Variants in LRP5 observed in about 807,000 individuals in gnomAD.
LRP5 encodes low-density lipoprotein receptor-related protein 5.
In LRP5, 62 loss-of-function variants were observed where a neutral mutation model predicts 154.1. The ratio of observed to expected loss-of-function variants is 0.40; its 90% CI spans 0.33 to 0.50. The LOEUF (loss-of-function observed/expected upper bound fraction) is 0.50, where lower values mean the gene tolerates loss of function less well. Among genes scored for constraint, LRP5 ranks in the 20% least tolerant of loss-of-function variants. The pLI is 0.55. For synonymous variants in LRP5, 966 were observed against 1,011.5 expected (o/e 0.96, Z 0.85); for missense variants, 1,915 against 2,336.7 (o/e 0.82, Z 3.72).
At chr11:68,359,108 C>T (rs1591221385) in intron 3 of LRP5, among the ~76,000 whole-genome samples, 1 of 152,196 alleles carries the variant, frequency 6.6e-6, no homozygotes, top group East Asian at 1.9e-4. Flanking sequence ...ACTTAACAGC[C>T]TGAAACAGCA....
intron 20 of LRP5, among the ~76,000 whole-genome samples, chr11:68,439,500 G>T (rs1012754362): frequency 1.3e-5 from 2 of 152,204 alleles, no homozygotes; most frequent in Non-Finnish European, 2.9e-5. Context: ...TGTTCCTGGC[G>T]TGCTCTGTGC....
At chr11:68,398,504 C>T (rs951491540) in intron 7 of LRP5, among the ~76,000 whole-genome samples, 4 of 152,138 alleles carry the variant, frequency 2.6e-5, no homozygotes, top group South Asian at 2.1e-4. Context: ...CACAGCCTCT[C>T]GGGTCTAGTT....
upstream of LRP5, chr11:68,312,487 C>G (rs1483122242): frequency 6.8e-6 from 1 of 146,218 alleles, no homozygotes. Context: ...CTCCGGGGGG[C>G]GCCCGCGGGA....
intron 1 of LRP5, among the ~76,000 whole-genome samples, chr11:68,334,780 C>A (rs907720009): frequency 1.3e-5 from 2 of 152,072 alleles, no homozygotes; most frequent in East Asian, 3.9e-4. Flanking sequence ...GGCTGAGAAT[C>A]ACTTGAACCT....
Position 68,386,769 on chromosome 11 carries a change from G to A in LRP5, c.1412+57G>A. The stretch of plus-strand genomic sequence containing the variant: ...AGGGCCAGGCCAAGCACAGGCGAGA[G>A]GGAGATTGACCTGGACCTGTCATTC... On this transcript the variant is annotated intron_variant, in intron 6 of 22. Coordinates refer to ENST00000294304, the MANE Select transcript of LRP5 (RefSeq NM_002335.4). The surrounding 1 kb of genome is among the most constrained non-coding windows in gnomAD (Gnocchi z 7.9). The A allele has an allele frequency of 6.4e-7, 1 of 1,569,336 alleles. No homozygotes were observed. Among genetic ancestry groups the A allele is most frequent in the African/African-American group, 1.3e-5 (1 of 74,158 alleles).
chr11:68,393,117 A>G (rs1012441809), intron 7 of LRP5, among the ~76,000 whole-genome samples: 5 of 151,778 alleles, frequency 3.3e-5, no homozygotes, highest in African/African-American at 1.2e-4. Flanking sequence ...ACAACAGAGC[A>G]AGACCCTGTC....
intron 2 of LRP5, among the ~76,000 whole-genome samples, chr11:68,349,218 A>C (rs1292279463): frequency 6.6e-6 from 1 of 151,958 alleles, no homozygotes; most frequent in Admixed American, 6.6e-5. Context: ...GTTTTGGTAC[A>C]GATGGGGTTT....
At chr11:68,326,764 C>T (rs762900292) in intron 1 of LRP5, among the ~76,000 whole-genome samples, 14 of 152,252 alleles carry the variant, frequency 9.2e-5, no homozygotes, top group Non-Finnish European at 1.6e-4. Flanking sequence ...CACCCAGTTA[C>T]AAGAGCGTTA....
Position 68,409,095 on chromosome 11 carries a change from T to TATATATATATATATATATATAC in LRP5, c.2092-818_2092-817insTATATATATATATATATATACA, listed in dbSNP as rs1311618305. 2.6e-3 allele frequency among the ~76,000 whole-genome samples: 72 copies of TATATATATATATATATATATAC among 27,454 alleles called. 1 individual carries two copies. The highest frequency in any genetic ancestry group is 0.025 in the Middle Eastern group (1 of 40). The allele number at this position is 27,454 out of a possible 152,430, so 18.0% of individuals were successfully genotyped here. A position where few individuals can be genotyped will look rare whatever the true frequency, so the allele number is the denominator to read the frequency against. ...AAAAATATATATATATATATATATA[T>TATATATATATATATATATATAC]ACACACACATACACGCACACACACA... is the stretch of plus-strand genomic sequence containing the variant. On this transcript the variant is annotated intron_variant, in intron 9 of 22. Transcript: ENST00000294304.
chr11:68,362,052 C>T (rs1213606077), intron 3 of LRP5, among the ~76,000 whole-genome samples: 3 of 152,172 alleles, frequency 2.0e-5, no homozygotes, highest in African/African-American at 7.2e-5. Flanking sequence ...AATGGATGCA[C>T]AGATTGGGTT....
chr11:68,311,394 C>T (rs2098587740), upstream of LRP5, among the ~76,000 whole-genome samples: 1 of 152,186 alleles, frequency 6.6e-6, no homozygotes, highest in Non-Finnish European at 1.5e-5. Flanking sequence ...CCGTGGATGT[C>T]TGCTCTTCCT....
chr11:68,311,905 C>A (rs913940625), upstream of LRP5, among the ~76,000 whole-genome samples: 1 of 152,244 alleles, frequency 6.6e-6, no homozygotes, highest in Non-Finnish European at 1.5e-5. Context: ...CTTCTCCTAC[C>A]AGCACGTCTT....
At chr11:68,316,902 G>A (rs1387274690) in intron 1 of LRP5, among the ~76,000 whole-genome samples, 4 of 152,222 alleles carry the variant, frequency 2.6e-5, no homozygotes, top group Non-Finnish European at 2.9e-5. Flanking sequence ...TGAGACAGCC[G>A]GACATCTGTG....
chr11:68,446,096 TCTC>T (rs1297080325), intron 21 of LRP5, among the ~76,000 whole-genome samples: 5 of 152,136 alleles, frequency 3.3e-5, no homozygotes, highest in African/African-American at 7.2e-5. Flanking sequence ...TGTGGGGACA[TCTC>T]CTACTGCTGG....
chr11:68,435,374 A>C (rs972749100), intron 18 of LRP5, among the ~76,000 whole-genome samples: 1 of 152,232 alleles, frequency 6.6e-6, no homozygotes, highest in Non-Finnish European at 1.5e-5. Flanking sequence ...AGGCAGCACC[A>C]GTATGGCACC....
intron 21 of LRP5, 127 bp downstream of exon 21, chr11:68,440,043 T>C: frequency 1.3e-6 from 1 of 765,608 alleles, no homozygotes; most frequent in South Asian, 1.9e-5. Flanking sequence ...GCATGCTTGC[T>C]TTCTTCCCTT....
rs376671764 is a variant in LRP5 at position 68,409,993 on chromosome 11, C to T, written c.2171C>T (p.Ala724Val). 6.2e-7 allele frequency: 1 copy of T among 1,614,016 alleles called. No individual in the cohort carries two copies. The highest frequency in any genetic ancestry group is 1.3e-5 in the African/African-American group (1 of 74,922). The change falls in exon 10 of 23, where the codon GCC becomes GTC. Residue 724 changes from alanine (A) to valine (V), a missense_variant. Physicochemically the swap from Ala to Val is moderately conservative, Grantham distance 64. Coordinates refer to ENST00000294304, the MANE Select transcript of LRP5 (RefSeq NM_002335.4). Reference protein sequence around the residue: ...EFGLDYPEGMAVDWMGKNLYW... With the variant: ...EFGLDYPEGMVVDWMGKNLYW... ...GGCCTTGACTACCCCGAGGGCATGG[C>T]CGTTGACTGGATGGGCAAGAACCTC...
chr11:68,307,278 C>T, the LRP5 span, among the ~76,000 whole-genome samples: 1 of 152,130 alleles, frequency 6.6e-6, no homozygotes, highest in Non-Finnish European at 1.5e-5. Flanking sequence ...TCAAGACCAG[C>T]CTGGGCAACA....
intron 17 of LRP5, among the ~76,000 whole-genome samples, chr11:68,432,683 G>T (rs999804556): frequency 2.0e-5 from 3 of 152,222 alleles, no homozygotes; most frequent in African/African-American, 4.8e-5. Flanking sequence ...CCCCTCCTGA[G>T]GCCAGCCTCT....
Sources: allele counts gnomAD v4.1 joint callset (sites outside exome capture counted in the v4.1 genomes callset), GRCh38; gene constraint gnomAD v4.1.1; non-coding constraint Gnocchi (gnomAD v3.1); transcripts MANE v1.5; gene names NCBI Gene and HGNC (gene_info 2026-07-23, HGNC 2026-07-21).